CYFIP1: variants seen among roughly 807,000 people sequenced by gnomAD.
CYFIP1 encodes cytoplasmic FMR1-interacting protein 1.
Under a neutral mutation model 163.5 loss-of-function variants are expected in CYFIP1, and 58 were observed. The ratio of observed to expected loss-of-function variants is 0.35; its 90% CI spans 0.29 to 0.44. The LOEUF (loss-of-function observed/expected upper bound fraction) is 0.44. CYFIP1 is among the 20% of genes least tolerant of loss of function. CYFIP1 has a pLI of 1.00. For synonymous variants in CYFIP1, 663 were observed against 660.7 expected, an observed-to-expected ratio of 1.00 and a Z score of -0.05; for missense variants, 1,338 against 1,653.8, an observed-to-expected ratio of 0.81 and a Z score of 3.31.
intron 1 of CYFIP1, among the ~76,000 whole-genome samples, chr15:22,972,843 A>C (rs1476505023): frequency 1.3e-5 from 2 of 151,900 alleles, no homozygotes; most frequent in South Asian, 2.1e-4. Flanking sequence ...TTATTTCTAC[A>C]AAAAAACACA....
rs1012362903 is a variant in CYFIP1 at position 22,940,516 on chromosome 15, G to A, written c.570-1009C>T. 2.6e-5 allele frequency among the ~76,000 whole-genome samples: 4 copies of A among 152,192 alleles called. No individual in the cohort carries two copies. The South Asian group carries it at 8.3e-4, about 32-fold the overall frequency. ...TGGAGAAATGACAGCTGGAGCTTAA[G>A]CAACCATTTAGGACCAGGAGGCAAC... is the stretch of plus-strand genomic sequence containing the variant. On this transcript the variant is annotated intron_variant, in intron 6 of 30. Coordinates refer to ENST00000617928, the MANE Select transcript of CYFIP1 (RefSeq NM_014608.6).
intron 1 of CYFIP1, among the ~76,000 whole-genome samples, chr15:22,957,372 C>G (rs1427615102): frequency 6.6e-6 from 1 of 151,996 alleles, no homozygotes; most frequent in East Asian, 1.9e-4. Context: ...CGCAGTGGCT[C>G]ACACCTGTAA....
In CYFIP1 at chr15:22,869,033, G is replaced by GAT. The variant is rs2141786413; in HGVS notation, c.*993_*994dup. ...CGTGACTCTACTGGTAGTCTAGACC[G>GAT]ATTGTTTTTCATTCTGACAGATCAT... is the stretch of plus-strand genomic sequence containing the variant. On this transcript the variant is annotated 3_prime_UTR_variant, in exon 31 of 31. Transcript: ENST00000617928. 6.6e-6 allele frequency: 1 copy of GAT among 152,226 alleles called. No homozygotes were observed. The highest frequency in any genetic ancestry group is 2.4e-5 in the African/African-American group (1 of 41,546). 9.4% of individuals were successfully genotyped at this position (152,226 alleles called of 1,614,324 possible).
rs1400364407 is a variant in CYFIP1 at position 22,944,915 on chromosome 15, C to G, written c.232G>C (p.Glu78Gln). The change falls in exon 4 of 31, where the codon GAA becomes CAA. Residue 78 changes from glutamate to glutamine, a missense_variant. Transcript: ENST00000617928. ...CAGGTGTACAGCATGACAGCATATT[C>G]TTGGCCCTCCTCCAGCATCTCGTTC... ...SMNEMLEEGQEYAVMLYTWRS... is the reference protein window; with the variant it reads ...SMNEMLEEGQQYAVMLYTWRS... 6.2e-7 allele frequency: 1 copy of G among 1,614,144 alleles called. No homozygotes were observed. The highest frequency in any genetic ancestry group is 1.1e-5 in the South Asian group (1 of 91,080).
chr15:22,871,149 C>T (rs2059423497), intron 30 of CYFIP1, among the ~76,000 whole-genome samples: 1 of 152,116 alleles, frequency 6.6e-6, no homozygotes, highest in Non-Finnish European at 1.5e-5. Flanking sequence ...GATACAAATG[C>T]ACATCTTGGG....
chr15:22,894,533 G>A (rs958949828), intron 22 of CYFIP1, among the ~76,000 whole-genome samples: 4 of 150,890 alleles, frequency 2.7e-5, no homozygotes, highest in East Asian at 1.9e-4. Flanking sequence ...CAAGTGATCC[G>A]CCCACCTTGG....
At chr15:22,916,896 AG>A in intron 15 of CYFIP1, 1 of 1,551,794 alleles carries the variant, frequency 6.4e-7, no homozygotes, top group Non-Finnish European at 8.7e-7. Context: ...AAAGGTTAAA[AG>A]GGGTAGGTAG....
intron 1 of CYFIP1, among the ~76,000 whole-genome samples, chr15:22,956,441 TG>T (rs1330178702): frequency 1.3e-5 from 2 of 151,686 alleles, no homozygotes; most frequent in African/African-American, 2.4e-5. Flanking sequence ...GAAGCAGAGG[TG>T]GTGCCAAGAG....
At chr15:22,880,173 G>T in intron 25 of CYFIP1, 130 bp from the exon 26 acceptor site, 2 of 1,243,426 alleles carry the variant, frequency 1.6e-6, no homozygotes, top group Non-Finnish European at 2.3e-6. Context: ...CAGCCACAAC[G>T]TCCCATCCCC....
rs191632210 is a variant in CYFIP1 at position 22,879,087 on chromosome 15, C to G, written c.3042+826G>C. Among the ~76,000 whole-genome samples, 1,095 of 149,318 alleles carry G rather than the reference C, an allele frequency of 7.3e-3. 4 individuals are homozygous for G. The highest frequency in any genetic ancestry group is 0.014 in the African/African-American group (547 of 40,260). ...GGAGGCGGAGCTTGCAGTGAGCCAA[C>G]ATCACGCCACTGCACTCCAGCCGGG... On this transcript the variant is annotated intron_variant, in intron 26 of 30. Transcript: ENST00000617928.
At chr15:22,963,560 A>ACATAACAT (rs199915541) in intron 1 of CYFIP1, among the ~76,000 whole-genome samples, 6 of 118,830 alleles carry the variant, frequency 5.0e-5, no homozygotes, top group South Asian at 2.4e-4. Flanking sequence ...ATAACATAAG[A>ACATAACAT]AAGAATGAAA....
chr15:22,899,658 T>C (rs1473099062), intron 22 of CYFIP1, among the ~76,000 whole-genome samples: 3 of 152,182 alleles, frequency 2.0e-5, no homozygotes, highest in South Asian at 2.1e-4. Context: ...CCTCTTTCTT[T>C]TGTAAATCGC....
chr15:22,902,733 T>TG (rs2060436646), intron 22 of CYFIP1, among the ~76,000 whole-genome samples: 1 of 152,144 alleles, frequency 6.6e-6, no homozygotes. Flanking sequence ...CCAGAGCGCG[T>TG]GGCCATGACC....
At chr15:22,908,299 G>C (rs1230389797) in intron 21 of CYFIP1, among the ~76,000 whole-genome samples, 1 of 152,020 alleles carries the variant, frequency 6.6e-6, no homozygotes, top group African/African-American at 2.4e-5. Context: ...TAGGCTCCGT[G>C]AGACAGCCGA....
In CYFIP1 at chr15:22,926,054, G is replaced by A. The variant is rs145632449; in HGVS notation, c.1287C>T (p.Pro429=). ...PTDKYSNKDC[P]DSAEEYERAT... ...CACGCTCGTACTCTTCAGCGCTGTCGGGGCAGTCCTTGTTGGAGTACTTGT... is the reference window on the plus strand; with the variant it reads ...CACGCTCGTACTCTTCAGCGCTGTCAGGGCAGTCCTTGTTGGAGTACTTGT... Residue 429 remains proline, a synonymous_variant, in exon 13 of 31, where the codon CCC becomes CCT. Transcript: ENST00000617928. 134 of 1,614,038 alleles carry A rather than the reference G, an allele frequency of 8.3e-5. No individual in the cohort carries two copies. The highest frequency in any genetic ancestry group is 3.1e-4 in the East Asian group (14 of 44,898).
chr15:22,928,144 A>C, intron 11 of CYFIP1, 116 bp from the exon 12 acceptor site: 3 of 1,249,454 alleles, frequency 2.4e-6, no homozygotes, highest in Non-Finnish European at 3.2e-6. Context: ...TAAGAAATGC[A>C]GGAGGCCAAG....
chr15:22,929,050 C>T (rs1250811935), intron 11 of CYFIP1, among the ~76,000 whole-genome samples: 1 of 151,960 alleles, frequency 6.6e-6, no homozygotes, highest in East Asian at 1.9e-4. Flanking sequence ...GAAACCCCAT[C>T]TCTACCAAAA....
intron 1 of CYFIP1, among the ~76,000 whole-genome samples, chr15:22,972,345 G>A (rs1466844010): frequency 6.6e-6 from 1 of 152,186 alleles, no homozygotes; most frequent in Non-Finnish European, 1.5e-5. Context: ...GCTGAGGCAG[G>A]AGAATCGCTT....
At chr15:22,875,435 G>C in intron 26 of CYFIP1, 164 bp from the exon 27 acceptor site, 1 of 686,722 alleles carries the variant, frequency 1.5e-6, no homozygotes, top group South Asian at 1.7e-5. Context: ...GCTTCCGTCT[G>C]TCCTGTCCAT....
Sources: allele counts gnomAD v4.1 joint callset (sites outside exome capture counted in the v4.1 genomes callset), GRCh38; gene constraint gnomAD v4.1.1; transcripts MANE v1.5; gene names NCBI Gene and HGNC (gene_info 2026-07-23, HGNC 2026-07-21).